FRY: variants seen among roughly 807,000 people sequenced by gnomAD.
FRY encodes FRY microtubule binding protein, also known as protein furry homolog.
Under a neutral mutation model 348.4 loss-of-function variants are expected in FRY, and 128 were observed. That is an observed-to-expected ratio of 0.37 (90% confidence interval 0.32 to 0.43). The LOEUF is 0.43. Ranked by LOEUF, FRY falls within the 20% of genes least tolerant of loss-of-function variation. FRY has a pLI of 1.00. For missense variants in FRY, 2,736 were observed against 3,695.2 expected, an observed-to-expected ratio of 0.74 and a Z score of 6.73; for synonymous variants, 1,370 against 1,374.7, an observed-to-expected ratio of 1.00 and a Z score of 0.08.
chr13:32,193,349 A>C (rs1391357575), intron 28 of FRY, among the ~76,000 whole-genome samples: 1 of 151,886 alleles, frequency 6.6e-6, no homozygotes, highest in Non-Finnish European at 1.5e-5. Context: ...TAGTAGGAAT[A>C]GACATTGATA....
chr13:32,170,151 T>C (rs1881972316), intron 17 of FRY, among the ~76,000 whole-genome samples: 1 of 152,148 alleles, frequency 6.6e-6, no homozygotes, highest in Non-Finnish European at 1.5e-5. Context: ...CTGACTCTGA[T>C]TGTTCATTTA....
Position 32,274,938 on chromosome 13 carries a change from C to G in FRY, c.8233C>G (p.Gln2745Glu), listed in dbSNP as rs1473468918. 1 of 1,613,500 alleles carries G rather than the reference C, an allele frequency of 6.2e-7. No individual in the cohort carries two copies. The highest frequency in any genetic ancestry group is 1.1e-5 in the South Asian group (1 of 91,076). The change falls in exon 56 of 61, where the codon CAG becomes GAG. Residue 2745 changes from glutamine to glutamate, a missense_variant. This residue lies in a region of FRY where 789 missense variants were observed against 996.2 expected (regional missense o/e 0.79). Coordinates refer to ENST00000542859, the MANE Select transcript of FRY (RefSeq NM_023037.3). ...CGGATCCAAATTTGTCAGCTCTTCC[C>G]AGATGCTCACCTCCTGCTCTGAATG... The part of the protein sequence containing the change: ...GIGSKFVSSS[Q>E]MLTSCSECPT...
At chr13:32,192,784 C>T (rs2138291069) in intron 28 of FRY, among the ~76,000 whole-genome samples, 1 of 143,582 alleles carries the variant, frequency 7.0e-6, no homozygotes, top group East Asian at 2.2e-4. Flanking sequence ...CACTCCATTG[C>T]CCCAGCTGGA....
chr13:32,286,284 A>C (rs1488106901), intron 58 of FRY, among the ~76,000 whole-genome samples: 2 of 152,168 alleles, frequency 1.3e-5, no homozygotes, highest in African/African-American at 4.8e-5. Context: ...TTGGATTAGA[A>C]ACTGTTAGGT....
intron 58 of FRY, among the ~76,000 whole-genome samples, chr13:32,280,460 T>C (rs1309539420): frequency 3.3e-5 from 5 of 152,228 alleles, no homozygotes; most frequent in Non-Finnish European, 7.3e-5. Flanking sequence ...AAATGAAGTA[T>C]TACCTAGGTT....
intron 29 of FRY, among the ~76,000 whole-genome samples, chr13:32,201,251 C>T (rs1884008783): frequency 6.6e-6 from 1 of 152,224 alleles, no homozygotes; most frequent in South Asian, 2.1e-4. Context: ...ACTACCCCTT[C>T]CGTGACCTGG....
intron 31 of FRY, among the ~76,000 whole-genome samples, chr13:32,205,537 C>T (rs1045807989): frequency 6.6e-6 from 1 of 152,072 alleles, no homozygotes; most frequent in Non-Finnish European, 1.5e-5. Context: ...CGTGCAGGAA[C>T]AGGAAAAGCT....
chr13:32,102,615 C>T (rs1877238428), intron 3 of FRY, among the ~76,000 whole-genome samples: 3 of 152,026 alleles, frequency 2.0e-5, no homozygotes, highest in Admixed American at 2.0e-4. Context: ...AGAATAAATA[C>T]AAGGTAAGTC....
intron 47 of FRY, among the ~76,000 whole-genome samples, chr13:32,244,548 G>A (rs958154258): frequency 9.2e-5 from 14 of 152,152 alleles, no homozygotes; most frequent in Admixed American, 2.0e-4. Context: ...CACATGTGCC[G>A]GGTTCTAGGC....
chr13:32,276,812 T>A (rs914310204), intron 57 of FRY, among the ~76,000 whole-genome samples: 2 of 152,062 alleles, frequency 1.3e-5, no homozygotes, highest in African/African-American at 2.4e-5. Context: ...GAAAAAAAAA[T>A]GGGTATGTAC....
intron 46 of FRY, among the ~76,000 whole-genome samples, chr13:32,241,719 T>C (rs908406650): frequency 1.3e-5 from 2 of 152,228 alleles, no homozygotes; most frequent in African/African-American, 2.4e-5. Context: ...AGTAGATTGA[T>C]ACACTTTTTA....
intron 39 of FRY, 61 bp downstream of exon 39, chr13:32,226,035 C>T (rs942130459): frequency 9.5e-6 from 14 of 1,478,678 alleles, no homozygotes; most frequent in South Asian, 4.6e-5. Context: ...TAACTAACTG[C>T]GGGTGCCAGT....
At chr13:32,185,535 T>C (rs1188307924) in intron 26 of FRY, among the ~76,000 whole-genome samples, 1 of 152,238 alleles carries the variant, frequency 6.6e-6, no homozygotes, top group Non-Finnish European at 1.5e-5. Context: ...TCTCTCTGAC[T>C]CTACCCTACC....
chr13:32,170,336 G>C (rs1236794242), intron 17 of FRY, among the ~76,000 whole-genome samples: 2 of 152,142 alleles, frequency 1.3e-5, no homozygotes, highest in East Asian at 3.9e-4. Context: ...AACAGAAAAA[G>C]GACATCATTG....
At chr13:32,226,097 A>C (rs1885565343) in intron 39 of FRY, 123 bp downstream of exon 39, 1 of 767,586 alleles carries the variant, frequency 1.3e-6, no homozygotes, top group Non-Finnish European at 2.3e-6. Context: ...TCCACGTGGT[A>C]AATCAACAGT....
rs200412804 is a variant in FRY at position 32,124,787 on chromosome 13, C to T, written c.636-8C>T. ...GATCCCTAACTTGTCTAATTATACC[C>T]TACTTAGGTACCTTGGTCCCAACAC... On this transcript the variant is annotated splice_region_variant and splice_polypyrimidine_tract_variant and intron_variant, in intron 6 of 60. Coordinates refer to ENST00000542859, the MANE Select transcript of FRY (RefSeq NM_023037.3). 210 of 1,602,954 alleles carry T rather than the reference C, an allele frequency of 1.3e-4. 2 individuals carry two copies. In the East Asian group the frequency reaches 2.9e-3, roughly 22 times the overall value.
Position 32,218,752 on chromosome 13 carries a change from T to C in FRY, c.4686T>C (p.Phe1562=). Residue 1562 remains phenylalanine (F), a synonymous_variant, in exon 36 of 61, where the codon TTT becomes TTC. Coordinates refer to ENST00000542859, the MANE Select transcript of FRY (RefSeq NM_023037.3). ...CTGGTTGTTCTTGTATTTGAAGGTTTAGTAATGTCATCAGAGCCCACACTC... is the reference window on the plus strand; with the variant it reads ...CTGGTTGTTCTTGTATTTGAAGGTTCAGTAATGTCATCAGAGCCCACACTC... ...NKILKESDER[F]SNVIRAHTRL... The C allele has an allele frequency of 6.3e-7, 1 of 1,575,596 alleles. No homozygotes were observed. The highest frequency in any genetic ancestry group is 2.2e-5 in the East Asian group (1 of 44,700).
chr13:32,179,868 C>A, intron 23 of FRY, 69 bp downstream of exon 23: 1 of 1,473,196 alleles, frequency 6.8e-7, no homozygotes, highest in South Asian at 1.1e-5. Context: ...TTTATTAACT[C>A]AGATTTGAGT....
In FRY at chr13:32,145,545, T is replaced by G. The variant is rs1275950244; in HGVS notation, c.1180-1737T>G. Among the ~76,000 whole-genome samples the G allele has an allele frequency of 6.6e-4, 96 of 145,756 alleles. 1 individual carries two copies. The highest frequency in any genetic ancestry group is 2.7e-3 in the South Asian group (12 of 4,496). ...TGATTTGTTTTTTTTTTTTTTTTTTTTTTTTTTTTTGAGACGGAGTCTCGC... is the reference window on the plus strand; with the variant it reads ...TGATTTGTTTTTTTTTTTTTTTTTTGTTTTTTTTTTGAGACGGAGTCTCGC... On this transcript the variant is annotated intron_variant, in intron 11 of 60. Coordinates refer to ENST00000542859, the MANE Select transcript of FRY (RefSeq NM_023037.3).
Sources: gnomAD v4.1 joint callset for allele counts (sites outside exome capture counted in the v4.1 genomes callset) on GRCh38, gnomAD v4.1.1 for gene constraint, gnomAD v4.1.1 regional missense constraint, MANE v1.5 for transcripts, NCBI Gene and HGNC (gene_info 2026-07-23, HGNC 2026-07-21) for gene names.